SV2B: variants seen among roughly 807,000 people sequenced by gnomAD.
SV2B encodes synaptic vesicle glycoprotein 2B.
SV2B carries 41 observed loss-of-function variants against 73.9 expected under a neutral mutation model. That is an observed-to-expected ratio of 0.56 (90% CI 0.43 to 0.72). The LOEUF (loss-of-function observed/expected upper bound fraction) is 0.72, where lower values mean the gene tolerates loss of function less well. SV2B is among the 30% of genes least tolerant of loss of function. SV2B has a pLI of 0.00. For missense variants in SV2B, 764 were observed against 857.8 expected, an observed-to-expected ratio of 0.89 and a Z score of 1.37; for synonymous variants, 314 against 314.2, an observed-to-expected ratio of 1.00 and a Z score of 0.01.
chr15:91,265,845 T>G lies in SV2B; in HGVS notation c.1009-737T>G, dbSNP rs1052224044. On this transcript the variant is annotated intron_variant, in intron 6 of 12. Coordinates refer to ENST00000394232, the MANE Select transcript of SV2B (RefSeq NM_001323032.3). This position sits in a 1 kb window ranked among gnomAD's most constrained non-coding sequence, Gnocchi z 4.2. Reference sequence around the variant, plus strand: ...AGATTCTCAAATTCTCCCAAAAGCTTAAGAACCACTGTTTTGGCTGGGCGC... The same window carrying G: ...AGATTCTCAAATTCTCCCAAAAGCTGAAGAACCACTGTTTTGGCTGGGCGC... Among the ~76,000 whole-genome samples the G allele has an allele frequency of 1.3e-5, 2 of 152,182 alleles. No homozygotes were observed. Among genetic ancestry groups the G allele is most frequent in the South Asian group, 4.1e-4 (2 of 4,832 alleles).
chr15:91,202,442 T>C (rs2045492729), intron 1 of SV2B, among the ~76,000 whole-genome samples: 1 of 152,272 alleles, frequency 6.6e-6, no homozygotes. Flanking sequence ...CAACATTGTG[T>C]CTTCTTATTT....
At chr15:91,276,251 T>C (rs1044258690) in intron 9 of SV2B, among the ~76,000 whole-genome samples, 24 of 152,076 alleles carry the variant, frequency 1.6e-4, no homozygotes, top group Admixed American at 1.5e-3. Context: ...GCTATTTGAA[T>C]ATCATGTGCT....
chr15:91,228,668 A>G (rs373971748), intron 2 of SV2B, among the ~76,000 whole-genome samples: 51 of 152,332 alleles, frequency 3.3e-4, no homozygotes, highest in East Asian at 3.3e-3. Flanking sequence ...TTGCGGGAAC[A>G]TGGTCTTAAT....
intron 1 of SV2B, among the ~76,000 whole-genome samples, chr15:91,206,322 G>A (rs1332667873): frequency 1.3e-5 from 2 of 151,442 alleles, no homozygotes; most frequent in South Asian, 2.1e-4. Context: ...GATTACAGGC[G>A]TGAGCCACCG....
chr15:91,105,254 T>TG lies in SV2B; in HGVS notation c.-392+4897dup, dbSNP rs1490371604. ...GGAATGTTGAGCAGGGAAAGGAAGATGGGGGGTGCCTTGTTGTGTTGGAGT... is the reference window on the plus strand; with the variant it reads ...GGAATGTTGAGCAGGGAAAGGAAGATGGGGGGGTGCCTTGTTGTGTTGGAGT... On this transcript the variant is annotated intron_variant, in intron 1 of 12. Coordinates refer to ENST00000394232, the MANE Select transcript of SV2B (RefSeq NM_001323032.3). This position sits in a 1 kb window ranked among gnomAD's most constrained non-coding sequence, Gnocchi z 5.5. Among the ~76,000 whole-genome samples, 7 of 152,254 alleles carry TG rather than the reference T, an allele frequency of 4.6e-5. No homozygotes were observed. The South Asian group carries it at 6.2e-4, about 14-fold the overall frequency.
At chr15:91,250,027 A>G (rs2047421902) in intron 2 of SV2B, among the ~76,000 whole-genome samples, 2 of 152,234 alleles carry the variant, frequency 1.3e-5, no homozygotes, top group South Asian at 4.1e-4. Context: ...ATCCAGCATT[A>G]CTCTGATACC....
chr15:91,172,735 G>A lies in SV2B; in HGVS notation c.-391-53138G>A, dbSNP rs529494192. ...GCTGTGTGACTTTGGGAAAGTTGCC[G>A]AACCTCTCTGCACTTTGGCTTCATA... On this transcript the variant is annotated intron_variant, in intron 1 of 12. Coordinates refer to ENST00000394232, the MANE Select transcript of SV2B (RefSeq NM_001323032.3). Among the ~76,000 whole-genome samples the A allele has an allele frequency of 5.6e-4, 85 of 152,150 alleles. 1 individual carries two copies. Among genetic ancestry groups the A allele is most frequent in the Non-Finnish European group, 1.1e-3 (72 of 68,030 alleles).
At chr15:91,148,066 C>T (rs550975583) in intron 1 of SV2B, among the ~76,000 whole-genome samples, 62 of 145,504 alleles carry the variant, frequency 4.3e-4, no homozygotes, top group Admixed American at 3.7e-3. Flanking sequence ...CTGCAACTTC[C>T]GCCTCCCGGG....
intron 1 of SV2B, among the ~76,000 whole-genome samples, chr15:91,192,339 TA>T (rs1325324376): frequency 6.6e-6 from 1 of 152,242 alleles, no homozygotes; most frequent in Non-Finnish European, 1.5e-5. Flanking sequence ...CATACAATTC[TA>T]TGCTTTCTTG....
intron 2 of SV2B, among the ~76,000 whole-genome samples, chr15:91,243,073 A>G (rs1347469240): frequency 6.6e-6 from 1 of 152,162 alleles, no homozygotes; most frequent in Non-Finnish European, 1.5e-5. Flanking sequence ...CCCTGTTGGC[A>G]TCTGCTTTTG....
rs2042388516 is a variant in SV2B at position 91,123,299 on chromosome 15, G to A, written c.-392+22936G>A. Among the ~76,000 whole-genome samples, 1 of 152,136 alleles carries A rather than the reference G, an allele frequency of 6.6e-6. No homozygotes were observed. The highest frequency in any genetic ancestry group is 2.1e-4 in the South Asian group (1 of 4,828). On this transcript the variant is annotated intron_variant, in intron 1 of 12. Transcript: ENST00000394232. This position sits in a 1 kb window ranked among gnomAD's most constrained non-coding sequence, Gnocchi z 4.7. ...TCAAAAACAAAAAATTGCAAAGGGAGTAGATTTTGTGTTCTTATCATACAC... is the reference window on the plus strand; with the variant it reads ...TCAAAAACAAAAAATTGCAAAGGGAATAGATTTTGTGTTCTTATCATACAC...
intron 1 of SV2B, among the ~76,000 whole-genome samples, chr15:91,160,792 A>G (rs1273250510): frequency 1.3e-5 from 2 of 152,290 alleles, no homozygotes; most frequent in South Asian, 2.1e-4. Context: ...TTAAATAGTG[A>G]TGAAAGGATT....
At chr15:91,276,923 T>C (rs532012855) in intron 9 of SV2B, among the ~76,000 whole-genome samples, 1 of 151,914 alleles carries the variant, frequency 6.6e-6, no homozygotes, top group Non-Finnish European at 1.5e-5. Flanking sequence ...CCAGTTCAAG[T>C]GATTCTGCTG....
intron 11 of SV2B, among the ~76,000 whole-genome samples, chr15:91,286,743 GAC>G (rs1306279669): frequency 6.6e-6 from 1 of 152,136 alleles, no homozygotes; most frequent in East Asian, 1.9e-4. Context: ...GGGACAGTGA[GAC>G]AGCTCACAGA....
rs547300797 is a variant in SV2B, at chr15:91,232,048, G to T, written c.451+5334G>T. Reference sequence around the variant, plus strand: ...TATGCAAATTCTAGCCGAGCATCAGGGCATAATATTTGATTTATGAGCCGT... The same window carrying T: ...TATGCAAATTCTAGCCGAGCATCAGTGCATAATATTTGATTTATGAGCCGT... On this transcript the variant is annotated intron_variant, in intron 2 of 12. Coordinates refer to ENST00000394232, the MANE Select transcript of SV2B (RefSeq NM_001323032.3). This position sits in a 1 kb window ranked among gnomAD's most constrained non-coding sequence, Gnocchi z 4.7. 6.6e-6 allele frequency among the ~76,000 whole-genome samples: 1 copy of T among 152,204 alleles called. No homozygotes were observed. The highest frequency in any genetic ancestry group is 2.1e-4 in the South Asian group (1 of 4,824).
At position 91,226,564 on chromosome 15, in the gene SV2B, G is replaced by A. The variant is rs946531726; in HGVS notation, c.301G>A (p.Glu101Lys). 4 of 1,614,086 alleles carry A rather than the reference G, an allele frequency of 2.5e-6. No individual in the cohort carries two copies. The highest frequency in any genetic ancestry group is 2.7e-5 in the African/African-American group (2 of 74,942). ...LAHQYETIMD[E>K]CGHGRFQWIL... ...CCACCAGTACGAGACCATCATGGAT[G>A]AGTGTGGCCATGGCCGCTTCCAGTG... Residue 101 changes from glutamate (E) to lysine (K), a missense_variant, in exon 2 of 13, where the codon GAG becomes AAG. Physicochemically the swap from Glu to Lys is moderately conservative, Grantham distance 56. Transcript: ENST00000394232.
chr15:91,280,786 G>A lies in SV2B; in HGVS notation c.1374-942G>A, dbSNP rs2048658925. On this transcript the variant is annotated intron_variant, in intron 9 of 12. Coordinates refer to ENST00000394232, the MANE Select transcript of SV2B (RefSeq NM_001323032.3). This position sits in a 1 kb window ranked among gnomAD's most constrained non-coding sequence, Gnocchi z 5.8. ...ACATAATACATACGCTTGGCATAAA[G>A]TGAAAATTAAGTGTATTATTCCTCA... 1.3e-5 allele frequency among the ~76,000 whole-genome samples: 2 copies of A among 152,174 alleles called. No individual in the cohort carries two copies. Among genetic ancestry groups the A allele is most frequent in the South Asian group, 4.1e-4 (2 of 4,832 alleles).
At chr15:91,260,004 G>A (rs1218690480) in intron 5 of SV2B, among the ~76,000 whole-genome samples, 3 of 152,082 alleles carry the variant, frequency 2.0e-5, no homozygotes, top group African/African-American at 7.2e-5. Flanking sequence ...CATCAGTGAC[G>A]AACGTGCTTC....
rs1206022109 is a variant in SV2B, at chr15:91,234,609, C to G, written c.451+7895C>G. Among the ~76,000 whole-genome samples the G allele has an allele frequency of 6.6e-6, 1 of 152,178 alleles. No homozygotes were observed. Among genetic ancestry groups the G allele is most frequent in the Non-Finnish European group, 1.5e-5 (1 of 68,024 alleles). On this transcript the variant is annotated intron_variant, in intron 2 of 12. Transcript: ENST00000394232. This position sits in a 1 kb window ranked among gnomAD's most constrained non-coding sequence, Gnocchi z 5.6. ...CTTACTTGATCTGTATAAGAGTAAACTTCTAGGTCAAGTGAACAGAAGTCT... is the reference window on the plus strand; with the variant it reads ...CTTACTTGATCTGTATAAGAGTAAAGTTCTAGGTCAAGTGAACAGAAGTCT...
Sources: gnomAD v4.1 joint callset for allele counts (sites outside exome capture counted in the v4.1 genomes callset) on GRCh38, gnomAD v4.1.1 for gene constraint, Gnocchi (gnomAD v3.1) non-coding constraint, MANE v1.5 for transcripts, NCBI Gene and HGNC (gene_info 2026-07-23, HGNC 2026-07-21) for gene names.